The following DOCK8 variants were observed in gnomAD, a reference collection of about 807,000 sequenced individuals.
DOCK8 encodes the protein dedicator of cytokinesis protein 8.
Under a neutral mutation model 245.6 loss-of-function variants are expected in DOCK8, and 141 were observed. The ratio of observed to expected loss-of-function variants is 0.57; its 90% CI spans 0.50 to 0.66. DOCK8 has a LOEUF of 0.66. DOCK8 is among the 30% of genes least tolerant of loss of function. The probability of loss-of-function intolerance (pLI) is 0.00; values close to 1 mark genes in which losing one functional copy is unlikely to be tolerated. For synonymous variants in DOCK8, 1,168 were observed against 970.2 expected (o/e 1.20, Z -3.79); for missense variants, 2,965 against 2,603.4 (o/e 1.14, Z -3.02).
At chr9:348,488 G>A (rs1057454167) in intron 14 of DOCK8, among the ~76,000 whole-genome samples, 2 of 152,180 alleles carry the variant, frequency 1.3e-5, no homozygotes, top group Non-Finnish European at 2.9e-5. Flanking sequence ...AGTGACGAGT[G>A]TCATTTTTCC....
At chr9:253,988 G>T (rs2047711124) in intron 1 of DOCK8, among the ~76,000 whole-genome samples, 1 of 152,228 alleles carries the variant, frequency 6.6e-6, no homozygotes, top group Non-Finnish European at 1.5e-5. Flanking sequence ...ACTGTTGAAA[G>T]TTGAAGCTAA....
At chr9:265,161 AC>A (rs1225065066) in intron 1 of DOCK8, among the ~76,000 whole-genome samples, 1 of 152,160 alleles carries the variant, frequency 6.6e-6, no homozygotes, top group African/African-American at 2.4e-5. Context: ...TGAACTCCTG[AC>A]CGCAGGTGAT....
chr9:457,213 T>C (rs897124919), intron 46 of DOCK8, among the ~76,000 whole-genome samples: 2 of 151,936 alleles, frequency 1.3e-5, no homozygotes, highest in Non-Finnish European at 2.9e-5. Context: ...ATATGTGGCG[T>C]TGGGGTTGGG....
At chr9:277,003 T>C in intron 2 of DOCK8, 1 of 330,450 alleles carries the variant, frequency 3.0e-6, no homozygotes, top group Non-Finnish European at 6.4e-6. Flanking sequence ...GAGACGGAGT[T>C]TCTCCATGTT....
chr9:377,016 C>G lies in DOCK8; in HGVS notation c.2245C>G (p.Leu749Val), dbSNP rs758218111. Residue 749 changes from leucine (L) to valine (V), a missense_variant, in exon 20 of 48, where the codon CTG becomes GTG. Leu to Val is a conservative substitution (Grantham distance 32). Coordinates refer to ENST00000432829, the MANE Select transcript of DOCK8 (RefSeq NM_203447.4). ...LEKFFTLCHS[L>V]ESQVTFPIRV... The stretch of plus-strand genomic sequence containing the variant: ...GAAGTTCTTCACCCTCTGCCACTCC[C>G]TGGAGAGCCAGGTGACCTTCCCCAT... 1 of 1,614,088 alleles carries G rather than the reference C, an allele frequency of 6.2e-7. No individual in the cohort carries two copies. The highest frequency in any genetic ancestry group is 8.5e-7 in the Non-Finnish European group (1 of 1,180,006).
intron 14 of DOCK8, among the ~76,000 whole-genome samples, chr9:350,693 G>A (rs1043217183): frequency 6.6e-6 from 1 of 152,212 alleles, no homozygotes; most frequent in Non-Finnish European, 1.5e-5. Flanking sequence ...TCACTTTGCG[G>A]ATAAGCAGAA....
At chr9:377,430 G>T (rs1356358983) in intron 20 of DOCK8, among the ~76,000 whole-genome samples, 1 of 152,064 alleles carries the variant, frequency 6.6e-6, no homozygotes, top group Non-Finnish European at 1.5e-5. Flanking sequence ...TAATATTATA[G>T]CTTTTTGTAA....
chr9:437,155 G>A (rs1324589040), intron 39 of DOCK8, among the ~76,000 whole-genome samples: 11 of 152,322 alleles, frequency 7.2e-5, no homozygotes, highest in Non-Finnish European at 1.5e-4. Context: ...ACTGACAGAA[G>A]GTAAAAATGG....
Position 428,474 on chromosome 9 carries a change from C to T in DOCK8, c.4451C>T (p.Thr1484Ile), listed in dbSNP as rs373337056. 8 of 1,614,088 alleles carry T rather than the reference C, an allele frequency of 5.0e-6. No individual in the cohort carries two copies. Among genetic ancestry groups the T allele is most frequent in the African/African-American group, 1.3e-5 (1 of 74,938 alleles). ...STTYLTHCFA[T>I]LRALIAKFGD... ...ACCTACCTGACTCACTGCTTTGCAA[C>T]ACTCCGTGCTCTCATCGCCAAGGTA... The change falls in exon 35 of 48, where the codon ACA becomes ATA. Residue 1484 changes from threonine to isoleucine, a missense_variant. Physicochemically the swap from Thr to Ile is moderately conservative, Grantham distance 89. Coordinates refer to ENST00000432829, the MANE Select transcript of DOCK8 (RefSeq NM_203447.4).
At chr9:389,964 T>C (rs1012255093) in intron 23 of DOCK8, among the ~76,000 whole-genome samples, 1 of 151,536 alleles carries the variant, frequency 6.6e-6, no homozygotes, top group African/African-American at 2.4e-5. Context: ...GAAGTTGCAG[T>C]GAGCGAGATT....
At chr9:418,702 A>C (rs2056142856) in intron 30 of DOCK8, among the ~76,000 whole-genome samples, 1 of 152,230 alleles carries the variant, frequency 6.6e-6, no homozygotes, top group African/African-American at 2.4e-5. Context: ...TGGCAACAGC[A>C]AGAGATGTGC....
At chr9:213,502 TA>T (rs2046656597), upstream of DOCK8, 1 of 152,186 alleles carries the variant, frequency 6.6e-6, no homozygotes, top group African/African-American at 2.4e-5. Flanking sequence ...TTTAATAATA[TA>T]TTTTTTATAT....
At chr9:331,537 A>T (rs966336470) in intron 9 of DOCK8, among the ~76,000 whole-genome samples, 1 of 152,104 alleles carries the variant, frequency 6.6e-6, no homozygotes, top group Admixed American at 6.5e-5. Context: ...TGTTGACCCA[A>T]ATTCTTTCTT....
At chr9:349,631 T>A (rs2052063742) in intron 14 of DOCK8, among the ~76,000 whole-genome samples, 1 of 152,198 alleles carries the variant, frequency 6.6e-6, no homozygotes, top group Non-Finnish European at 1.5e-5. Context: ...GGGCTGAGCT[T>A]TCTCTCCTAT....
chr9:278,231 GTCAGCATCTCCCTCTTAGTGGCATC>G (rs2048435959), intron 2 of DOCK8, among the ~76,000 whole-genome samples: 1 of 152,246 alleles, frequency 6.6e-6, no homozygotes, highest in African/African-American at 2.4e-5. Context: ...ATGGTGGCAT[GTCAGCATCTCCCTCTTAGTGGCATC>G]AGTGCTAGAT....
At chr9:365,558 A>G (rs2052944159) in intron 14 of DOCK8, 1 of 447,458 alleles carries the variant, frequency 2.2e-6, no homozygotes, top group Non-Finnish European at 4.4e-6. Context: ...CATAAAACTT[A>G]TCTGTTCAGA....
intron 1 of DOCK8, among the ~76,000 whole-genome samples, chr9:218,318 A>T (rs2046808334): frequency 6.6e-6 from 1 of 152,242 alleles, no homozygotes; most frequent in African/African-American, 2.4e-5. Flanking sequence ...TATATTAAAA[A>T]TATTATTTGT....
chr9:281,584 C>T (rs959697451), intron 2 of DOCK8, among the ~76,000 whole-genome samples: 1 of 151,946 alleles, frequency 6.6e-6, no homozygotes, highest in South Asian at 2.1e-4. Context: ...TAACTCTCTC[C>T]AATATTTGTT....
intron 4 of DOCK8, among the ~76,000 whole-genome samples, chr9:294,486 A>C (rs1396567707): frequency 3.3e-5 from 5 of 152,170 alleles, no homozygotes; most frequent in Admixed American, 3.3e-4. Context: ...TTTAGTTATT[A>C]TTTTAATCTG....
Sources: gnomAD v4.1 joint callset for allele counts (sites outside exome capture counted in the v4.1 genomes callset) on GRCh38, gnomAD v4.1.1 for gene constraint, MANE v1.5 for transcripts, NCBI Gene and HGNC (gene_info 2026-07-23, HGNC 2026-07-21) for gene names.